The following ELP1 variants were observed in gnomAD, a reference collection of about 807,000 sequenced individuals.
ELP1 encodes elongator acetyltransferase complex subunit 1, also known as elongator complex protein 1.
In ELP1, 131 loss-of-function variants were observed where a neutral mutation model predicts 183.2. That is an observed-to-expected ratio of 0.72 (90% CI 0.62 to 0.83). ELP1 has a LOEUF of 0.83. Among genes scored for constraint, ELP1 ranks in the 40% least tolerant of loss-of-function variants. The pLI is 0.00. For missense variants in ELP1, 1,550 were observed against 1,594.9 expected, an observed-to-expected ratio of 0.97 and a Z score of 0.48; for synonymous variants, 555 against 569.0, an observed-to-expected ratio of 0.98 and a Z score of 0.35.
At chr9:108,908,250 G>C in intron 13 of ELP1, 55 bp downstream of exon 13, 1 of 1,299,060 alleles carries the variant, frequency 7.7e-7, no homozygotes, top group Non-Finnish European at 1.1e-6. Context: ...GCTGAATTTA[G>C]GACTGCATGC....
Position 108,908,350 on chromosome 9 carries a change from C to T in ELP1, c.1415G>A (p.Gly472Glu). Residue 472 changes from glycine to glutamate, a missense_variant, in exon 13 of 37, where the codon GGA (glycine) becomes GAA (glutamate). Physicochemically the swap from Gly to Glu is moderately conservative, Grantham distance 98. Coordinates refer to ENST00000374647, the MANE Select transcript of ELP1 (RefSeq NM_003640.5). Reference sequence around the variant, plus strand: ...AGGAGTTCTAAGGCAAACTTTAAATCCACTTCCACCCACAGCTCCCAGTTT... The same window carrying T: ...AGGAGTTCTAAGGCAAACTTTAAATTCACTTCCACCCACAGCTCCCAGTTT... The part of the protein sequence containing the change: ...TVKLGAVGGS[G>E]FKVCLRTPHL... The T allele has an allele frequency of 2.5e-6, 4 of 1,614,154 alleles. No homozygotes were observed. Among genetic ancestry groups the T allele is most frequent in the Non-Finnish European group, 3.4e-6 (4 of 1,179,996 alleles).
chr9:108,878,013 C>T lies in ELP1; in HGVS notation c.3837G>A (p.Gln1279=). The T allele has an allele frequency of 6.2e-7, 1 of 1,614,182 alleles. No homozygotes were observed. The highest frequency in any genetic ancestry group is 8.5e-7 in the Non-Finnish European group (1 of 1,180,034). The change falls in exon 35 of 37, where the codon CAG becomes CAA. Residue 1279 remains glutamine (Q), a synonymous_variant. Transcript: ENST00000374647. The part of the protein sequence containing the change: ...SLPEIWTLTY[Q]QNSATPVLGP... ...AACTTACCGGGGTAGCTGAATTCTG[C>T]TGGTAAGTAAGAGTCCAAATTTCTG...
At chr9:108,906,605 G>C (rs985777968) in intron 13 of ELP1, 120 bp from the exon 14 acceptor site, 3 of 770,186 alleles carry the variant, frequency 3.9e-6, no homozygotes, top group Non-Finnish European at 6.7e-6. Context: ...TATTTGGAGG[G>C]ACAAAACCTG....
rs148467403 is a variant in ELP1, at chr9:108,897,535, C to T, written c.2364-250G>A. Among the ~76,000 whole-genome samples, 95 of 152,178 alleles carry T rather than the reference C, an allele frequency of 6.2e-4. 3 individuals are homozygous for T. The East Asian group carries it at 0.016, about 25-fold the overall frequency. On this transcript the variant is annotated intron_variant, in intron 22 of 36. Coordinates refer to ENST00000374647, the MANE Select transcript of ELP1 (RefSeq NM_003640.5). ...GTCCAGCAACAGGGGAATGAATAAG[C>T]AAATAGTGGTGTATTTACACAACGG...
chr9:108,889,339 C>T lies in ELP1; in HGVS notation c.3215G>A (p.Cys1072Tyr), dbSNP rs753041406. The change falls in exon 29 of 37, where the codon TGT (cysteine) becomes TAT (tyrosine). Residue 1072 changes from cysteine to tyrosine, a missense_variant. Transcript: ENST00000374647. ...GGGAGGAATTGAGTTTACCTGGGCACACTCTTCCAAAACCATGGCCGCATC... is the reference window on the plus strand; with the variant it reads ...GGGAGGAATTGAGTTTACCTGGGCATACTCTTCCAAAACCATGGCCGCATC... ...HIDAAMVLEECAQDYEEAVLL... is the reference protein window; with the variant it reads ...HIDAAMVLEEYAQDYEEAVLL... 1.2e-6 allele frequency: 2 copies of T among 1,613,970 alleles called. No homozygotes were observed. The highest frequency in any genetic ancestry group is 1.7e-5 in the Admixed American group (1 of 60,004).
At chr9:108,892,569 C>T (rs1447318080) in intron 27 of ELP1, among the ~76,000 whole-genome samples, 1 of 152,106 alleles carries the variant, frequency 6.6e-6, no homozygotes, top group Non-Finnish European at 1.5e-5. Context: ...GTGTACAGCA[C>T]CCTATGAGGC....
chr9:108,901,307 T>A, intron 18 of ELP1, 118 bp downstream of exon 18: 1 of 731,332 alleles, frequency 1.4e-6, no homozygotes, highest in Non-Finnish European at 2.5e-6. Context: ...CTAAAGATTT[T>A]CTCCAGCCTA....
rs2118940937 is a variant in ELP1, at chr9:108,880,106, T to G, written c.3406A>C (p.Lys1136Gln). 6.2e-7 allele frequency: 1 copy of G among 1,614,192 alleles called. No individual in the cohort carries two copies. The highest frequency in any genetic ancestry group is 1.7e-5 in the Admixed American group (1 of 60,020). Residue 1136 changes from lysine (K) to glutamine (Q), a missense_variant, in exon 32 of 37, where the codon AAA (lysine) becomes CAA (glutamine). Coordinates refer to ENST00000374647, the MANE Select transcript of ELP1 (RefSeq NM_003640.5). ...AGCTCTCGAACTACCAATAAACGTT[T>G]CTTGTGGCGACTGAATGTGGCTGTC... The part of the protein sequence containing the change: ...SQTATFSRHK[K>Q]RLLVVRELKE...
chr9:108,900,298 C>G lies in ELP1; in HGVS notation c.2092G>C (p.Val698Leu). The G allele has an allele frequency of 1.2e-6, 2 of 1,614,162 alleles. No homozygotes were observed. Among genetic ancestry groups the G allele is most frequent in the Non-Finnish European group, 1.7e-6 (2 of 1,179,998 alleles). ...TTTGTGTCCTGGGGCACAACAGTGA[C>G]AATCCGTGAACCCCTCTCCACTTTC... ...LRKVERGSRI[V>L]TVVPQDTKLV... Residue 698 changes from valine to leucine, a missense_variant, in exon 19 of 37, where the codon GTC becomes CTC. Val to Leu is a conservative substitution (Grantham distance 32, BLOSUM62 1). Coordinates refer to ENST00000374647, the MANE Select transcript of ELP1 (RefSeq NM_003640.5).
rs74919405 is a variant in ELP1, at chr9:108,912,538, A to C, written c.959-44T>G. 14,419 of 1,426,312 alleles carry C rather than the reference A, an allele frequency of 0.01. 103 individuals are homozygous for C. The highest frequency in any genetic ancestry group is 0.012 in the Non-Finnish European group (12,233 of 1,009,808). The allele number at this position is 1,426,312 out of a possible 1,614,324, so 88.4% of individuals were successfully genotyped here. ...AGAAGGCCGTTAGAGGCTGGGAAGC[A>C]GACTTCATCCCACTTGCCAGAGGGG... On this transcript the variant is annotated intron_variant, in intron 10 of 36. Coordinates refer to ENST00000374647, the MANE Select transcript of ELP1 (RefSeq NM_003640.5).
At chr9:108,872,126 C>T (rs187882733) in intron 36 of ELP1, among the ~76,000 whole-genome samples, 9 of 152,308 alleles carry the variant, frequency 5.9e-5, no homozygotes, top group Non-Finnish European at 7.3e-5. Flanking sequence ...TTACATTAAA[C>T]GTGATAAAAA....
At chr9:108,900,896 A>G (rs866840734) in intron 18 of ELP1, among the ~76,000 whole-genome samples, 1 of 40,590 alleles carries the variant, frequency 2.5e-5, no homozygotes, top group Non-Finnish European at 4.8e-5. Context: ...TACACGCCAC[A>G]CACACATACA....
In ELP1 at chr9:108,918,804, C is replaced by G; in HGVS notation, c.740+7G>C. The G allele has an allele frequency of 1.9e-6, 3 of 1,607,762 alleles. No homozygotes were observed. Among genetic ancestry groups the G allele is most frequent in the Non-Finnish European group, 2.6e-6 (3 of 1,174,216 alleles). ...AGAATTTCTCTAAGGTTTCTTCTCC[C>G]ACTCACTTCCAAGCCAGGGCTGGTC... is the stretch of plus-strand genomic sequence containing the variant. On this transcript the variant is annotated splice_region_variant and intron_variant, in intron 8 of 36. Coordinates refer to ENST00000374647, the MANE Select transcript of ELP1 (RefSeq NM_003640.5).
In ELP1 at chr9:108,931,115, T is replaced by C; in HGVS notation, c.32A>G (p.Glu11Gly). 1 of 1,614,118 alleles carries C rather than the reference T, an allele frequency of 6.2e-7. No homozygotes were observed. Among genetic ancestry groups the C allele is most frequent in the Non-Finnish European group, 8.5e-7 (1 of 1,179,994 alleles). The stretch of plus-strand genomic sequence containing the variant: ...CCCTGGACCTTGAATATCCCTGAAC[T>C]CCAGGGTCCGAAATAATTTCAGATT... MRNLKLFRTL[E>G]FRDIQGPGNP... is the part of the protein sequence containing the mutation. Residue 11 changes from glutamate (E) to glycine (G), a missense_variant, in exon 2 of 37, where the codon GAG (glutamate) becomes GGG (glycine). Transcript: ENST00000374647.
At chr9:108,905,916 C>A (rs1031451298) in intron 14 of ELP1, among the ~76,000 whole-genome samples, 4 of 151,400 alleles carry the variant, frequency 2.6e-5, no homozygotes, top group Non-Finnish European at 5.9e-5. Flanking sequence ...CGCATGACTG[C>A]ATTTATACAA....
chr9:108,897,526 A>T (rs1828603588), intron 22 of ELP1, among the ~76,000 whole-genome samples: 1 of 152,242 alleles, frequency 6.6e-6, no homozygotes, highest in East Asian at 1.9e-4. Flanking sequence ...CAACAGGGGA[A>T]TGAATAAGCA....
intron 5 of ELP1, 146 bp downstream of exon 5, chr9:108,926,377 A>G (rs1385737419): frequency 5.6e-6 from 4 of 712,922 alleles, no homozygotes; most frequent in Non-Finnish European, 9.9e-6. Flanking sequence ...GGATGGGCTG[A>G]AGGAACTGGG....
chr9:108,867,949 G>A lies in ELP1; in HGVS notation c.*1166C>T, dbSNP rs574030921. ...AGTTTATGTACAGTGCTGTAGTTTAGGCATTTGTTTCCCTAAACCTCATGT... is the reference window on the plus strand; with the variant it reads ...AGTTTATGTACAGTGCTGTAGTTTAAGCATTTGTTTCCCTAAACCTCATGT... On this transcript the variant is annotated 3_prime_UTR_variant, in exon 37 of 37. Transcript: ENST00000374647. The A allele has an allele frequency of 3.3e-5, 5 of 152,334 alleles. No individual in the cohort carries two copies. In the South Asian group the frequency reaches 1.0e-3, roughly 32 times the overall value. The allele number at this position is 152,334 out of a possible 1,614,324, so 9.4% of individuals were successfully genotyped here.
At chr9:108,910,555 C>T (rs1829174861) in intron 12 of ELP1, among the ~76,000 whole-genome samples, 1 of 152,178 alleles carries the variant, frequency 6.6e-6, no homozygotes. Context: ...GCTAGAACAC[C>T]TGTGTTGAGG....
Sources: gnomAD v4.1 joint callset for allele counts (sites outside exome capture counted in the v4.1 genomes callset) on GRCh38, gnomAD v4.1.1 for gene constraint, MANE v1.5 for transcripts, NCBI Gene and HGNC (gene_info 2026-07-23, HGNC 2026-07-21) for gene names.